SS18: variants seen among roughly 807,000 people sequenced by gnomAD.
SS18 encodes the protein protein SSXT.
SS18 carries 28 observed loss-of-function variants against 72.5 expected under a neutral mutation model. That is an observed-to-expected ratio of 0.39 (90% CI 0.29 to 0.53). SS18 has a LOEUF of 0.53. Ranked by LOEUF, SS18 falls within the 20% of genes least tolerant of loss-of-function variation. The pLI is 0.76. For synonymous variants in SS18, 172 were observed against 164.2 expected (o/e 1.05, Z -0.37); for missense variants, 518 against 535.3 (o/e 0.97, Z 0.32).
intron 5 of SS18, among the ~76,000 whole-genome samples, chr18:26,043,295 C>T (rs913562882): frequency 6.6e-6 from 1 of 152,010 alleles, no homozygotes; most frequent in Admixed American, 6.5e-5. Flanking sequence ...CCACTATCTC[C>T]CATGAAAAGA....
chr18:26,045,053 C>T (rs1568003029), intron 5 of SS18, among the ~76,000 whole-genome samples: 1 of 152,150 alleles, frequency 6.6e-6, no homozygotes. Flanking sequence ...GTAAATATCC[C>T]ACAATTGACT....
chr18:26,039,248 T>A, intron 6 of SS18, 41 bp downstream of exon 6: 2 of 1,529,180 alleles, frequency 1.3e-6, no homozygotes, highest in Admixed American at 3.5e-5. Context: ...TTAAAGCCTT[T>A]CAATTACATT....
chr18:26,059,729 G>A (rs1159201473), intron 3 of SS18, among the ~76,000 whole-genome samples: 1 of 152,156 alleles, frequency 6.6e-6, no homozygotes, highest in Non-Finnish European at 1.5e-5. Flanking sequence ...CATACCAAAG[G>A]AAAACTTAAT....
intron 2 of SS18, among the ~76,000 whole-genome samples, chr18:26,086,562 T>C (rs1476129512): frequency 3.3e-5 from 5 of 152,232 alleles, no homozygotes; most frequent in Non-Finnish European, 7.3e-5. Flanking sequence ...TACTAGAAAA[T>C]TTAAAATCAC....
chr18:26,074,287 A>C (rs1444688818), intron 3 of SS18, among the ~76,000 whole-genome samples: 2 of 151,764 alleles, frequency 1.3e-5, no homozygotes, highest in Admixed American at 1.3e-4. Flanking sequence ...GATACAATTT[A>C]AGATTCCACA....
Position 26,057,636 on chromosome 18 carries a change from C to G in SS18, c.338G>C (p.Gly113Ala). The change falls in exon 4 of 11, where the codon GGT (glycine) becomes GCT (alanine). Residue 113 changes from glycine to alanine, a missense_variant. By Grantham distance (60) the Gly-to-Ala change is moderately conservative. Transcript: ENST00000415083. ...GTTCTGCATGTGCGGTGCAGGAGGA[C>G]CCCCACCTACCATTCCATCTGAAGG... ...NMPSDGMVGG[G>A]PPAPHMQNQM... 1 of 1,614,092 alleles carries G rather than the reference C, an allele frequency of 6.2e-7. No individual in the cohort carries two copies. Among genetic ancestry groups the G allele is most frequent in the Non-Finnish European group, 8.5e-7 (1 of 1,180,010 alleles).
chr18:26,046,023 C>T (rs2053814669), intron 5 of SS18, among the ~76,000 whole-genome samples: 1 of 151,430 alleles, frequency 6.6e-6, no homozygotes, highest in Non-Finnish European at 1.5e-5. Flanking sequence ...CCCATCTCTA[C>T]TAAAAATATA....
intron 3 of SS18, among the ~76,000 whole-genome samples, chr18:26,069,507 T>TAAAAAAAAAAA (rs11329781): frequency 5.8e-5 from 5 of 85,972 alleles, no homozygotes; most frequent in Non-Finnish European, 8.9e-5. Flanking sequence ...CCTACCAAAG[T>TAAAAAAAAAAA]AAAAAAAAAA....
At chr18:26,088,943 T>C (rs111475247) in intron 1 of SS18, among the ~76,000 whole-genome samples, 2,347 of 152,204 alleles carry the variant, frequency 0.015, 64 homozygotes, top group African/African-American at 0.054. Flanking sequence ...AATAGAACCA[T>C]TGGATGACCA....
intron 10 of SS18, among the ~76,000 whole-genome samples, chr18:26,025,692 T>G (rs1278111885): frequency 6.6e-6 from 1 of 152,106 alleles, no homozygotes; most frequent in Non-Finnish European, 1.5e-5. Context: ...AATTTATAAT[T>G]TAAAAATTTC....
At position 26,039,366 on chromosome 18, in the gene SS18, C is replaced by G. The variant is rs199690255; in HGVS notation, c.698G>C (p.Gly233Ala). The G allele has an allele frequency of 6.8e-6, 11 of 1,613,874 alleles. No homozygotes were observed. The highest frequency in any genetic ancestry group is 6.7e-5 in the African/African-American group (5 of 74,984). The change falls in exon 6 of 11, where the codon GGA (glycine) becomes GCA (alanine). Residue 233 changes from glycine to alanine, a missense_variant. Coordinates refer to ENST00000415083, the MANE Select transcript of SS18 (RefSeq NM_001007559.3). ...GCCTTGGTTAACTTGACCCATCATTCCCATAGGTGGCTGCTGTCCTTGGTA... is the reference window on the plus strand; with the variant it reads ...GCCTTGGTTAACTTGACCCATCATTGCCATAGGTGGCTGCTGTCCTTGGTA... ...QHYQGQQPPM[G>A]MMGQVNQGNH...
Position 26,082,651 on chromosome 18 carries a change from A to G in SS18, c.147-4491T>C, listed in dbSNP as rs559332175. On this transcript the variant is annotated intron_variant, in intron 2 of 10. Transcript: ENST00000415083. The stretch of plus-strand genomic sequence containing the variant: ...GTGTGTTACCAGAATTTAAAGGAAG[A>G]TGGTCCAGGCACATGCGCTCCACAA... 8.8e-6 allele frequency: 3 copies of G among 341,388 alleles called. No individual in the cohort carries two copies. The South Asian group carries it at 3.6e-4, about 41-fold the overall frequency. 21.1% of individuals were successfully genotyped at this position (341,388 alleles called of 1,614,324 possible). A position where few individuals can be genotyped will look rare whatever the true frequency, so the allele number is the denominator to read the frequency against.
intron 1 of SS18, among the ~76,000 whole-genome samples, chr18:26,089,011 T>C (rs1450775040): frequency 6.6e-6 from 1 of 152,218 alleles, no homozygotes; most frequent in African/African-American, 2.4e-5. Context: ...CACAACTTAT[T>C]ATCTCCAGTA....
chr18:26,052,370 T>TA (rs564163316), intron 5 of SS18, among the ~76,000 whole-genome samples: 58 of 152,290 alleles, frequency 3.8e-4, no homozygotes, highest in African/African-American at 1.3e-3. Context: ...TGACTGGCTT[T>TA]AAAAAACAAT....
At chr18:26,090,993 T>A (rs1474163996), upstream of SS18, 1 of 223,636 alleles carries the variant, frequency 4.5e-6, no homozygotes, top group Non-Finnish European at 8.9e-6. Context: ...CTTCGCGCCG[T>A]GGCAACTTGC....
chr18:26,074,762 A>G (rs1289221892), intron 3 of SS18, among the ~76,000 whole-genome samples: 1 of 151,974 alleles, frequency 6.6e-6, no homozygotes, highest in Non-Finnish European at 1.5e-5. Context: ...TGAGACCAAA[A>G]GGTTTGAAAA....
intron 3 of SS18, among the ~76,000 whole-genome samples, chr18:26,061,500 C>T (rs1270499405): frequency 1.3e-5 from 2 of 151,894 alleles, no homozygotes; most frequent in Non-Finnish European, 2.9e-5. Flanking sequence ...CCAGATATAT[C>T]AAAGTATTAA....
intron 5 of SS18, among the ~76,000 whole-genome samples, chr18:26,048,273 T>A (rs745900457): frequency 3.2e-4 from 48 of 152,196 alleles, no homozygotes; most frequent in Non-Finnish European, 5.4e-4. Flanking sequence ...CCTACAAAAA[T>A]CTTGTACAAG....
chr18:26,083,772 C>T (rs1390379678), intron 2 of SS18, among the ~76,000 whole-genome samples: 1 of 152,212 alleles, frequency 6.6e-6, no homozygotes, highest in East Asian at 1.9e-4. Context: ...TAATAAGTGC[C>T]TCTAAGCTTT....
Sources: gnomAD v4.1 joint callset for allele counts (sites outside exome capture counted in the v4.1 genomes callset) on GRCh38, gnomAD v4.1.1 for gene constraint, MANE v1.5 for transcripts, NCBI Gene and HGNC (gene_info 2026-07-23, HGNC 2026-07-21) for gene names.